TNFSF4: variants seen among roughly 807,000 people sequenced by gnomAD.
TNFSF4 encodes TNF superfamily member 4, also known as tumor necrosis factor ligand superfamily member 4.
A neutral mutation model predicts 7.3 loss-of-function variants in TNFSF4; 4 were observed. That is an observed-to-expected ratio of 0.55 (90% CI 0.27 to 1.25). TNFSF4 has a LOEUF of 1.25. Ranked by LOEUF, TNFSF4 falls within the 50% of genes most tolerant of loss-of-function variation. The probability of loss-of-function intolerance (pLI) is 0.12; values close to 1 mark genes in which losing one functional copy is unlikely to be tolerated. For synonymous variants in TNFSF4, 76 were observed against 83.7 expected (o/e 0.91, Z 0.50); for missense variants, 181 against 208.8 (o/e 0.87, Z 0.82).
the TNFSF4 span, among the ~76,000 whole-genome samples, chr1:173,324,081 T>A: frequency 6.6e-6 from 1 of 152,018 alleles, no homozygotes; most frequent in Non-Finnish European, 1.5e-5. Flanking sequence ...AAAGTTGAAA[T>A]GAAGGAAAAC....
the TNFSF4 span, among the ~76,000 whole-genome samples, chr1:173,394,616 A>T: frequency 6.6e-6 from 1 of 152,236 alleles, no homozygotes; most frequent in African/African-American, 2.4e-5. Flanking sequence ...TGAATAAAAC[A>T]AAAGGTTGAA....
the TNFSF4 span, among the ~76,000 whole-genome samples, chr1:173,406,092 G>T: frequency 6.6e-6 from 1 of 152,184 alleles, no homozygotes; most frequent in African/African-American, 2.4e-5. Context: ...TGGCAAGTTA[G>T]TTCAAGGCTA....
intron 1 of TNFSF4, chr1:173,205,453 C>T: frequency 6.4e-7 from 1 of 1,552,438 alleles, no homozygotes; most frequent in Non-Finnish European, 8.7e-7. Context: ...CAATGTGACC[C>T]CAACCACCAG....
At chr1:173,375,164 T>C in the TNFSF4 span, among the ~76,000 whole-genome samples, 1 of 152,204 alleles carries the variant, frequency 6.6e-6, no homozygotes, top group South Asian at 2.1e-4. Flanking sequence ...AGCCTCCTTG[T>C]CAAATTTGTT....
the TNFSF4 span, among the ~76,000 whole-genome samples, chr1:173,419,467 C>T: frequency 2.6e-5 from 4 of 152,192 alleles, no homozygotes; most frequent in African/African-American, 9.7e-5. Flanking sequence ...AATGCCAGCA[C>T]CATGTGCTTG....
chr1:173,412,806 G>T, the TNFSF4 span, among the ~76,000 whole-genome samples: 12 of 152,316 alleles, frequency 7.9e-5, no homozygotes, highest in South Asian at 2.3e-3. Flanking sequence ...TGATGGAAAT[G>T]ATCAGTATCT....
chr1:173,423,162 G>A, the TNFSF4 span, among the ~76,000 whole-genome samples: 3 of 152,058 alleles, frequency 2.0e-5, no homozygotes, highest in East Asian at 5.8e-4. Flanking sequence ...AATACATGGG[G>A]CTTTCACATT....
At chr1:173,232,793 C>G in the TNFSF4 span, among the ~76,000 whole-genome samples, 3 of 152,226 alleles carry the variant, frequency 2.0e-5, no homozygotes, top group African/African-American at 7.2e-5. Context: ...GTATGTTGAA[C>G]CAGCCTTGCA....
At chr1:173,444,281 A>AAC in the TNFSF4 span, among the ~76,000 whole-genome samples, 1 of 151,808 alleles carries the variant, frequency 6.6e-6, no homozygotes, top group East Asian at 1.9e-4. Context: ...CACACACACA[A>AAC]ACACACACAC....
At chr1:173,360,577 G>A in the TNFSF4 span, among the ~76,000 whole-genome samples, 1 of 152,154 alleles carries the variant, frequency 6.6e-6, no homozygotes, top group Non-Finnish European at 1.5e-5. Flanking sequence ...TTATGACCTT[G>A]GCTTTTACTG....
chr1:173,175,667 C>T, the TNFSF4 span, among the ~76,000 whole-genome samples: 1 of 152,178 alleles, frequency 6.6e-6, no homozygotes, highest in Non-Finnish European at 1.5e-5. Flanking sequence ...TTATGAAGAG[C>T]ATGACTTACT....
chr1:173,301,352 AT>A, the TNFSF4 span, among the ~76,000 whole-genome samples: 1 of 151,316 alleles, frequency 6.6e-6, no homozygotes, highest in Non-Finnish European at 1.5e-5. Flanking sequence ...AAAAAGTTCC[AT>A]TTTTTTTACC....
the TNFSF4 span, among the ~76,000 whole-genome samples, chr1:173,274,860 T>G: frequency 6.6e-6 from 1 of 152,152 alleles, no homozygotes; most frequent in African/African-American, 2.4e-5. Context: ...TGATACATGT[T>G]TAATAAAGAG....
At chr1:173,215,843 T>C in the TNFSF4 span, among the ~76,000 whole-genome samples, 1 of 152,150 alleles carries the variant, frequency 6.6e-6, no homozygotes, top group East Asian at 1.9e-4. Flanking sequence ...CATGGGACAA[T>C]GTTTACACCC....
chr1:173,218,544 A>G, the TNFSF4 span, among the ~76,000 whole-genome samples: 1 of 152,030 alleles, frequency 6.6e-6, no homozygotes, highest in African/African-American at 2.4e-5. Context: ...CTCTTCAGTT[A>G]CTATGACCCA....
chr1:173,244,658 C>CAAA, the TNFSF4 span, among the ~76,000 whole-genome samples: 5 of 135,948 alleles, frequency 3.7e-5, no homozygotes, highest in African/African-American at 1.2e-4. Flanking sequence ...AAACAAAAAA[C>CAAA]AAAAAAAACA....
chr1:173,266,025 G>A, the TNFSF4 span, among the ~76,000 whole-genome samples: 12,965 of 152,162 alleles, frequency 0.085, 622 homozygotes, highest in Middle Eastern at 0.12. Context: ...ATCACAATAG[G>A]ACATATGTCC....
the TNFSF4 span, among the ~76,000 whole-genome samples, chr1:173,349,677 C>T: frequency 6.6e-6 from 1 of 152,146 alleles, no homozygotes; most frequent in African/African-American, 2.4e-5. Flanking sequence ...TTCTTTTAAG[C>T]TGTAGGATGC....
At chr1:173,421,142 C>T in the TNFSF4 span, among the ~76,000 whole-genome samples, 18 of 152,194 alleles carry the variant, frequency 1.2e-4, no homozygotes, top group African/African-American at 2.4e-4. Context: ...AAATATAGGC[C>T]GCACAGTTAA....
Sources: allele counts gnomAD v4.1 joint callset (sites outside exome capture counted in the v4.1 genomes callset), GRCh38; gene constraint gnomAD v4.1.1; transcripts MANE v1.5; gene names NCBI Gene and HGNC (gene_info 2026-07-23, HGNC 2026-07-21).